CCL5: variants seen among roughly 807,000 people sequenced by gnomAD.
CCL5 encodes C-C motif chemokine ligand 5, also known as C-C motif chemokine 5.
Under a neutral mutation model 9.0 loss-of-function variants are expected in CCL5, and 5 were observed. That is an observed-to-expected ratio of 0.55 (90% CI 0.29 to 1.16). The LOEUF is 1.16. CCL5 is among the 50% of genes most tolerant of loss of function. The pLI is 0.08. For synonymous variants in CCL5, 66 were observed against 72.0 expected, an observed-to-expected ratio of 0.92 and a Z score of 0.42; for missense variants, 183 against 183.2, an observed-to-expected ratio of 1.00 and a Z score of 0.01.
chr17:35,874,279 C>A (rs1335078834), intron 3 of CCL5, among the ~76,000 whole-genome samples: 1 of 152,086 alleles, frequency 6.6e-6, no homozygotes, highest in Non-Finnish European at 1.5e-5. Flanking sequence ...ATTTATTGTG[C>A]AGCCATCCAG....
rs147829173 is a variant in CCL5 at position 35,872,389 on chromosome 17, C to T, written c.346G>A (p.Gly116Arg). The change falls in exon 4 of 4, where the codon GGA (glycine) becomes AGA (arginine). Residue 116 changes from glycine (G) to arginine (R), a missense_variant. Gly to Arg is a moderately radical substitution (Grantham distance 125). Coordinates refer to ENST00000651122, the MANE Select transcript of CCL5 (RefSeq NM_001278736.2). ...AGGACTCTCCATCCTAGCTCATCTC[C>T]AAAGAGTTGATGTACTCCCGAACCC... 4 of 1,613,720 alleles carry T rather than the reference C, an allele frequency of 2.5e-6. No homozygotes were observed. Among genetic ancestry groups the T allele is most frequent in the Non-Finnish European group, 3.4e-6 (4 of 1,179,904 alleles).
At chr17:35,877,091 T>C (rs921463891) in intron 2 of CCL5, among the ~76,000 whole-genome samples, 2 of 152,196 alleles carry the variant, frequency 1.3e-5, no homozygotes, top group African/African-American at 2.4e-5. Flanking sequence ...TTGAAAAATA[T>C]TTGTTTTCAG....
chr17:35,872,519 C>A, intron 3 of CCL5, 55 bp from the exon 3 acceptor site: 1 of 1,470,086 alleles, frequency 6.8e-7, no homozygotes, highest in Non-Finnish European at 9.5e-7. Flanking sequence ...CCGGGACAGC[C>A]AGTTTGGGGG....
At chr17:35,873,466 C>A (rs989586396) in intron 3 of CCL5, among the ~76,000 whole-genome samples, 1 of 152,214 alleles carries the variant, frequency 6.6e-6, no homozygotes, top group Admixed American at 6.5e-5. Context: ...GGATTACAGG[C>A]ATGAGCCACC....
chr17:35,875,177 G>T (rs1012363809), intron 3 of CCL5, among the ~76,000 whole-genome samples: 1 of 152,042 alleles, frequency 6.6e-6, no homozygotes, highest in South Asian at 2.1e-4. Flanking sequence ...CTCTATGCAT[G>T]TATTGGTGTG....
Position 35,872,471 on chromosome 17 carries a change from G to C in CCL5, c.271-7C>G, listed in dbSNP as rs2088383565. 1.2e-6 allele frequency: 2 copies of C among 1,613,780 alleles called. No homozygotes were observed. Among genetic ancestry groups the C allele is most frequent in the African/African-American group, 1.3e-5 (1 of 74,900 alleles). Reference sequence around the variant, plus strand: ...GTTCTTTCGGGTGACAAAGCTGTGGGAGAGGAGAAGAAGAGGGAGGATGAG... The same window carrying C: ...GTTCTTTCGGGTGACAAAGCTGTGGCAGAGGAGAAGAAGAGGGAGGATGAG... On this transcript the variant is annotated splice_region_variant and splice_polypyrimidine_tract_variant and intron_variant, in intron 3 of 3. Transcript: ENST00000651122.
intron 3 of CCL5, among the ~76,000 whole-genome samples, chr17:35,874,753 G>A (rs1048242960): frequency 1.3e-5 from 2 of 152,112 alleles, no homozygotes; most frequent in Admixed American, 6.6e-5. Context: ...TGGGATTACA[G>A]GTGTGCGCCA....
intron 1 of CCL5, among the ~76,000 whole-genome samples, chr17:35,879,657 A>G (rs1025561710): frequency 8.6e-5 from 13 of 151,780 alleles, no homozygotes; most frequent in Admixed American, 2.6e-4. Context: ...AAAAAAAAAA[A>G]AAGATGTGCC....
chr17:35,880,015 A>G (rs1005906124), intron 1 of CCL5, among the ~76,000 whole-genome samples: 2 of 152,164 alleles, frequency 1.3e-5, no homozygotes, highest in Admixed American at 1.3e-4. Flanking sequence ...AGAAAAACTG[A>G]TCAGGAGATC....
chr17:35,874,999 A>G (rs2088423805), intron 3 of CCL5, among the ~76,000 whole-genome samples: 1 of 152,184 alleles, frequency 6.6e-6, no homozygotes, highest in Admixed American at 6.5e-5. Context: ...CTCAAACAAC[A>G]CAGAAATTCC....
At chr17:35,878,339 T>A (rs940494406) in intron 2 of CCL5, among the ~76,000 whole-genome samples, 189 bp downstream of exon 2, 3 of 147,244 alleles carry the variant, frequency 2.0e-5, no homozygotes, top group Non-Finnish European at 4.5e-5. Flanking sequence ...CATAGTCCAT[T>A]GGAGTGGGCA....
intron 3 of CCL5, 123 bp from the exon 3 acceptor site, chr17:35,872,587 G>A: frequency 1.3e-6 from 1 of 760,684 alleles, no homozygotes; most frequent in South Asian, 1.6e-5. Context: ...GGGCATATTT[G>A]GAGCTCCATA....
chr17:35,875,614 C>T lies in CCL5; in HGVS notation c.217G>A (p.Gly73Arg), dbSNP rs891430192. 1.0e-6 allele frequency: 1 copy of T among 985,330 alleles called. No homozygotes were observed. 61.0% of individuals were successfully genotyped at this position (985,330 alleles called of 1,614,324 possible). ...AGGAAATCCTGCCAGACTTGCTGTC[C>T]CTCTCTCTTTGGCATCCTTGACCTG... is the stretch of plus-strand genomic sequence containing the variant. Residue 73 changes from glycine to arginine, a missense_variant, in exon 3 of 4, where the codon GGA becomes AGA. Physicochemically the swap from Gly to Arg is moderately radical, Grantham distance 125 (BLOSUM62 -2). Transcript: ENST00000651122.
rs770533961 is a variant in CCL5, at chr17:35,880,180, C to T, written c.76+50G>A. ...CAGTCATTGGGATGGGGTAGGCATTCTAGGCAGAGTCTGACTCCAGGGGCT... is the reference window on the plus strand; with the variant it reads ...CAGTCATTGGGATGGGGTAGGCATTTTAGGCAGAGTCTGACTCCAGGGGCT... On this transcript the variant is annotated intron_variant, in intron 1 of 3. Transcript: ENST00000651122. 33 of 1,496,718 alleles carry T rather than the reference C, an allele frequency of 2.2e-5. No homozygotes were observed. In the South Asian group the frequency reaches 3.7e-4, roughly 17 times the overall value. The allele number at this position is 1,496,718 out of a possible 1,614,324, so 92.7% of individuals were successfully genotyped here.
intron 1 of CCL5, among the ~76,000 whole-genome samples, chr17:35,879,699 C>T (rs967980618): frequency 1.1e-4 from 17 of 150,988 alleles, no homozygotes; most frequent in Non-Finnish European, 2.5e-4. Context: ...CCATAGTAAC[C>T]ATTTAATTAG....
At chr17:35,873,407 T>A (rs1489949105) in intron 3 of CCL5, among the ~76,000 whole-genome samples, 1 of 148,486 alleles carries the variant, frequency 6.7e-6, no homozygotes, top group Non-Finnish European at 1.5e-5. Context: ...CAGGATGGTC[T>A]CGATCTCCTG....
intron 3 of CCL5, among the ~76,000 whole-genome samples, chr17:35,873,492 G>C (rs1177304493): frequency 6.6e-6 from 1 of 152,172 alleles, no homozygotes. Flanking sequence ...TGGCCGAGAA[G>C]TTCTTAAAAG....
chr17:35,876,726 T>C (rs2088445636), intron 2 of CCL5, among the ~76,000 whole-genome samples: 1 of 152,218 alleles, frequency 6.6e-6, no homozygotes, highest in Admixed American at 6.5e-5. Context: ...TTTAGCACTT[T>C]TGCTGCATTT....
intron 1 of CCL5, among the ~76,000 whole-genome samples, chr17:35,879,439 C>G (rs1333071075): frequency 6.6e-6 from 1 of 152,088 alleles, no homozygotes; most frequent in Non-Finnish European, 1.5e-5. Context: ...TCGAGACCAT[C>G]CTGGCTAACA....
Sources: gnomAD v4.1 joint callset for allele counts (sites outside exome capture counted in the v4.1 genomes callset) on GRCh38, gnomAD v4.1.1 for gene constraint, MANE v1.5 for transcripts, NCBI Gene and HGNC (gene_info 2026-07-23, HGNC 2026-07-21) for gene names.